The following TATDN2 variants were observed in gnomAD, a reference collection of about 807,000 sequenced individuals.
TATDN2 encodes the protein TatD DNase domain containing 2.
Under a neutral mutation model 60.3 loss-of-function variants are expected in TATDN2, and 44 were observed. The ratio of observed to expected loss-of-function variants is 0.73; its 90% CI spans 0.57 to 0.94. The LOEUF (loss-of-function observed/expected upper bound fraction) is 0.94, where lower values mean the gene tolerates loss of function less well. Among genes scored for constraint, TATDN2 ranks in the 40% least tolerant of loss-of-function variants. The probability of loss-of-function intolerance (pLI) is 0.00; values close to 1 mark genes in which losing one functional copy is unlikely to be tolerated. For synonymous variants in TATDN2, 399 were observed against 355.8 expected (o/e 1.12, Z -1.37); for missense variants, 997 against 948.0 (o/e 1.05, Z -0.68).
intron 3 of TATDN2, among the ~76,000 whole-genome samples, chr3:10,263,020 C>T (rs1698428682): frequency 6.6e-6 from 1 of 152,100 alleles, no homozygotes; most frequent in Non-Finnish European, 1.5e-5. Flanking sequence ...CCTGCCTCAG[C>T]CTTGTGAGTA....
intron 4 of TATDN2, 129 bp from the exon 5 acceptor site, chr3:10,276,232 A>G: frequency 3.4e-6 from 4 of 1,184,406 alleles, no homozygotes; most frequent in Non-Finnish European, 4.7e-6. Flanking sequence ...AATAATCATT[A>G]GCTATTATTA....
intron 2 of TATDN2, among the ~76,000 whole-genome samples, chr3:10,257,953 C>T (rs1348758579): frequency 7.7e-5 from 11 of 142,092 alleles, no homozygotes; most frequent in South Asian, 4.5e-4. Context: ...CTCCGCCTCC[C>T]GGGTTCACGC....
rs561032668 is a variant in TATDN2, at chr3:10,249,009, C to G, written c.-65C>G. The G allele has an allele frequency of 7.2e-5, 42 of 582,084 alleles. No homozygotes were observed. The highest frequency in any genetic ancestry group is 2.7e-4 in the African/African-American group (14 of 52,070). The allele number at this position is 582,084 out of a possible 1,614,324, so 36.1% of individuals were successfully genotyped here. A position where few individuals can be genotyped will look rare whatever the true frequency, so the allele number is the denominator to read the frequency against. On this transcript the variant is annotated 5_prime_UTR_variant, in exon 1 of 8. Coordinates refer to ENST00000448281, the MANE Select transcript of TATDN2 (RefSeq NM_014760.4). ...TTGGATCGCTTTGACTTCTCCAACA[C>G]GGTTTGGCATCTCTGAAACCTTGAG... is the stretch of plus-strand genomic sequence containing the variant.
chr3:10,278,464 T>TA lies in TATDN2; in HGVS notation c.2145+4dup. On this transcript the variant is annotated splice_region_variant and intron_variant, in intron 6 of 7. Transcript: ENST00000448281. This position sits in a 1 kb window ranked among gnomAD's most constrained non-coding sequence, Gnocchi z 4.7. The stretch of plus-strand genomic sequence containing the variant: ...GCTCCCTATTTCCTCCCTCGCCAGG[T>TA]AAGGGGGTCTTCAGGCTGAGTGGAG... The TA allele has an allele frequency of 3.1e-6, 5 of 1,608,820 alleles. No individual in the cohort carries two copies. The South Asian group carries it at 5.5e-5, about 18-fold the overall frequency.
rs13096125 is a variant in TATDN2 at position 10,278,655 on chromosome 3, C to T, written c.2145+193C>T. ...GCTGAGAAGCTGAAGGGTAACCACT[C>T]TCTTCCAGGCAGTGCAAAGCCCTAC... On this transcript the variant is annotated intron_variant, in intron 6 of 7. Coordinates refer to ENST00000448281, the MANE Select transcript of TATDN2 (RefSeq NM_014760.4). The surrounding 1 kb of genome is among the most constrained non-coding windows in gnomAD (Gnocchi z 4.7). 1 of 983,202 alleles carries T rather than the reference C, an allele frequency of 1.0e-6. No homozygotes were observed. The highest frequency in any genetic ancestry group is 1.6e-5 in the African/African-American group (1 of 62,492). 60.9% of individuals were successfully genotyped at this position (983,202 alleles called of 1,614,324 possible). A position where few individuals can be genotyped will look rare whatever the true frequency, so the allele number is the denominator to read the frequency against.
At position 10,270,980 on chromosome 3, in the gene TATDN2, T is replaced by C. The variant is rs1309578174; in HGVS notation, c.1798T>C (p.Tyr600His). ...TGGAGAAATGGGCTTGGATTACTCTTACAAGTGCACCACGCCTGTCCCAGA... is the reference window on the plus strand; with the variant it reads ...TGGAGAAATGGGCTTGGATTACTCTCACAAGTGCACCACGCCTGTCCCAGA... ...AFGEMGLDYSYKCTTPVPEQH... is the reference protein window; with the variant it reads ...AFGEMGLDYSHKCTTPVPEQH... Residue 600 changes from tyrosine to histidine, a missense_variant, in exon 4 of 8, where the codon TAC becomes CAC. Transcript: ENST00000448281. 5 of 1,608,398 alleles carry C rather than the reference T, an allele frequency of 3.1e-6. No homozygotes were observed. Among genetic ancestry groups the C allele is most frequent in the Non-Finnish European group, 4.2e-6 (5 of 1,177,626 alleles).
rs369296878 is a variant in TATDN2 at position 10,275,740 on chromosome 3, G to A, written c.1834-621G>A. Among the ~76,000 whole-genome samples, 10 of 144,440 alleles carry A rather than the reference G, an allele frequency of 6.9e-5. 1 individual carries two copies. Among genetic ancestry groups the A allele is most frequent in the African/African-American group, 2.1e-4 (8 of 38,434 alleles). The allele number at this position is 144,440 out of a possible 152,430, so 94.8% of individuals were successfully genotyped here. A position where few individuals can be genotyped will look rare whatever the true frequency, so the allele number is the denominator to read the frequency against. On this transcript the variant is annotated intron_variant, in intron 4 of 7. Transcript: ENST00000448281. ...CAGCCTGGGCGACAGAGCAAGATTC[G>A]GTCTCAAAAAAACAAAACAAAACAA...
At chr3:10,261,036 CAG>C (rs1314288972) in intron 3 of TATDN2, among the ~76,000 whole-genome samples, 2 of 152,220 alleles carry the variant, frequency 1.3e-5, no homozygotes, top group Non-Finnish European at 2.9e-5. Context: ...CCCCTCAACA[CAG>C]TGTCCATCTC....
rs1411709655 is a variant in TATDN2 at position 10,248,748 on chromosome 3, C to G, written c.-326C>G. The G allele has an allele frequency of 6.6e-6, 1 of 152,598 alleles. No homozygotes were observed. The highest frequency in any genetic ancestry group is 2.4e-5 in the African/African-American group (1 of 41,464). 9.5% of individuals were successfully genotyped at this position (152,598 alleles called of 1,614,324 possible). Reference sequence around the variant, plus strand: ...CCCGGGTCTGGCCCTGGCCTACGGGCTAAGCGCCCGGCCCCGGGGCCGCGG... The same window carrying G: ...CCCGGGTCTGGCCCTGGCCTACGGGGTAAGCGCCCGGCCCCGGGGCCGCGG... On this transcript the variant is annotated 5_prime_UTR_variant, in exon 1 of 8. Coordinates refer to ENST00000448281, the MANE Select transcript of TATDN2 (RefSeq NM_014760.4).
Position 10,270,128 on chromosome 3 carries a change from C to T in TATDN2, c.949-3C>T. 1 of 1,605,626 alleles carries T rather than the reference C, an allele frequency of 6.2e-7. No individual in the cohort carries two copies. Among genetic ancestry groups the T allele is most frequent in the Non-Finnish European group, 8.5e-7 (1 of 1,176,140 alleles). On this transcript the variant is annotated splice_region_variant and splice_polypyrimidine_tract_variant and intron_variant, in intron 3 of 7. Transcript: ENST00000448281. Reference sequence around the variant, plus strand: ...CCACTGTTGTATGCCTTCTTTTCTGCAGCATAAAGATAGGGAGGTGGTGAT... The same window carrying T: ...CCACTGTTGTATGCCTTCTTTTCTGTAGCATAAAGATAGGGAGGTGGTGAT...
At chr3:10,251,022 G>A (rs1420435631) in intron 2 of TATDN2, among the ~76,000 whole-genome samples, 1 of 152,200 alleles carries the variant, frequency 6.6e-6, no homozygotes, top group Non-Finnish European at 1.5e-5. Flanking sequence ...ACTCAGGTTT[G>A]AGGGTGTGGT....
At chr3:10,273,817 T>G (rs1235418419) in intron 4 of TATDN2, among the ~76,000 whole-genome samples, 1 of 152,196 alleles carries the variant, frequency 6.6e-6, no homozygotes, top group Non-Finnish European at 1.5e-5. Flanking sequence ...ATCTGTGGTG[T>G]TTACAGATTA....
chr3:10,270,086 C>T, intron 3 of TATDN2, 45 bp from the exon 4 acceptor site: 1 of 1,560,346 alleles, frequency 6.4e-7, no homozygotes. Flanking sequence ...AGGCCATCTT[C>T]ACATCGGAAG....
chr3:10,260,509 A>G lies in TATDN2; in HGVS notation c.787A>G (p.Thr263Ala), dbSNP rs1698385842. 2 of 1,614,094 alleles carry G rather than the reference A, an allele frequency of 1.2e-6. No homozygotes were observed. Among genetic ancestry groups the G allele is most frequent in the Non-Finnish European group, 1.7e-6 (2 of 1,179,962 alleles). Residue 263 changes from threonine (T) to alanine (A), a missense_variant, in exon 3 of 8, where the codon ACA (threonine) becomes GCA (alanine). Transcript: ENST00000448281. ...AGAGGTCAGCATGGAGGAGGATAAG[A>G]CAGTGCCAGAGAGGAGCAGCTTCTA... ...TPEVSMEEDK[T>A]VPERSSFYDR...
Position 10,278,753 on chromosome 3 carries a change from A to G in TATDN2, c.2146-132A>G, listed in dbSNP as rs1331659407. 1.5e-6 allele frequency: 2 copies of G among 1,361,902 alleles called. No homozygotes were observed. The highest frequency in any genetic ancestry group is 2.9e-5 in the African/African-American group (2 of 70,052). 84.4% of individuals were successfully genotyped at this position (1,361,902 alleles called of 1,614,324 possible). On this transcript the variant is annotated intron_variant, in intron 6 of 7. Coordinates refer to ENST00000448281, the MANE Select transcript of TATDN2 (RefSeq NM_014760.4). The surrounding 1 kb of genome is among the most constrained non-coding windows in gnomAD (Gnocchi z 4.7). ...CCCCCATGACTAGGACTCTCCCTGC[A>G]CCTGCAGGTAAAGGGGTCTCTACAG...
chr3:10,258,168 A>G (rs558908629), intron 2 of TATDN2, among the ~76,000 whole-genome samples: 1 of 150,418 alleles, frequency 6.6e-6, no homozygotes, highest in Non-Finnish European at 1.5e-5. Context: ...TTTAAGTTTT[A>G]TTTTCCTTTG....
In TATDN2 at chr3:10,248,473, T is replaced by G. The variant is rs2125169600; in HGVS notation, c.-601T>G. On this transcript the variant is annotated 5_prime_UTR_variant, in exon 1 of 8. Transcript: ENST00000448281. The stretch of plus-strand genomic sequence containing the variant: ...GCCCCGCCCCTGTCGCTCTCCGGCC[T>G]GCGGGCCGCAGGGCTCGTTCCGGAG... 6.6e-6 allele frequency: 1 copy of G among 152,156 alleles called. No individual in the cohort carries two copies. Among genetic ancestry groups the G allele is most frequent in the East Asian group, 1.9e-4 (1 of 5,146 alleles). The allele number at this position is 152,156 out of a possible 1,614,324, so 9.4% of individuals were successfully genotyped here.
chr3:10,253,510 A>C (rs568402054), intron 2 of TATDN2, among the ~76,000 whole-genome samples: 1 of 152,178 alleles, frequency 6.6e-6, no homozygotes, highest in African/African-American at 2.4e-5. Flanking sequence ...ATGTTAGCTG[A>C]TGATCTTCAT....
At chr3:10,266,566 A>T (rs1222643257) in intron 3 of TATDN2, among the ~76,000 whole-genome samples, 1 of 152,212 alleles carries the variant, frequency 6.6e-6, no homozygotes, top group Non-Finnish European at 1.5e-5. Context: ...CTAGCTCTTC[A>T]AATGTTACCA....
Sources: allele counts gnomAD v4.1 joint callset (sites outside exome capture counted in the v4.1 genomes callset), GRCh38; gene constraint gnomAD v4.1.1; non-coding constraint Gnocchi (gnomAD v3.1); transcripts MANE v1.5; gene names NCBI Gene and HGNC (gene_info 2026-07-23, HGNC 2026-07-21).